EVI5: variants seen among roughly 807,000 people sequenced by gnomAD.
The protein encoded by EVI5 is ecotropic viral integration site 5.
A neutral mutation model predicts 112.0 loss-of-function variants in EVI5; 73 were observed. The observed-to-expected ratio is 0.65, with a 90% CI of 0.54 to 0.79. The LOEUF is 0.79. EVI5 is among the 30% of genes least tolerant of loss of function. The probability of loss-of-function intolerance (pLI) is 0.00; values close to 1 mark genes in which losing one functional copy is unlikely to be tolerated. For missense variants in EVI5, 900 were observed against 968.8 expected, an observed-to-expected ratio of 0.93 and a Z score of 0.94; for synonymous variants, 305 against 319.9, an observed-to-expected ratio of 0.95 and a Z score of 0.50.
chr1:92,665,881 T>A, intron 11 of EVI5, 58 bp downstream of exon 11: 1 of 1,212,994 alleles, frequency 8.2e-7, no homozygotes, highest in Non-Finnish European at 1.2e-6. Context: ...TTTTAATAAA[T>A]ATACAGAAAA....
chr1:92,694,820 A>C (rs1300595461), intron 7 of EVI5, among the ~76,000 whole-genome samples: 1 of 152,236 alleles, frequency 6.6e-6, no homozygotes, highest in Non-Finnish European at 1.5e-5. Flanking sequence ...CTAGAAAACA[A>C]AGGATTACCT....
intron 13 of EVI5, among the ~76,000 whole-genome samples, chr1:92,639,083 A>G (rs1314751144): frequency 3.9e-5 from 6 of 152,190 alleles, no homozygotes; most frequent in Admixed American, 1.3e-4. Flanking sequence ...ATTTAAAAGC[A>G]TAGAAATGAC....
chr1:92,616,081 C>T (rs903083897), intron 16 of EVI5, among the ~76,000 whole-genome samples: 2 of 152,078 alleles, frequency 1.3e-5, no homozygotes, highest in South Asian at 4.1e-4. Flanking sequence ...TAGAAGATGG[C>T]CCACTGTGAG....
intron 2 of EVI5, among the ~76,000 whole-genome samples, chr1:92,705,959 T>A (rs761592541): frequency 6.6e-6 from 1 of 152,240 alleles, no homozygotes; most frequent in African/African-American, 2.4e-5. Context: ...CAATGCAAAG[T>A]ATATTATCAA....
chr1:92,547,595 G>T (rs532432981), intron 19 of EVI5, among the ~76,000 whole-genome samples: 1 of 151,930 alleles, frequency 6.6e-6, no homozygotes. Flanking sequence ...TAGATAGACC[G>T]CTAGCAAGAC....
chr1:92,569,030 T>A (rs986232639), intron 18 of EVI5, among the ~76,000 whole-genome samples: 4 of 152,158 alleles, frequency 2.6e-5, no homozygotes, highest in Non-Finnish European at 5.9e-5. Context: ...GGAGTCAATG[T>A]AGTTTACTCA....
Position 92,736,429 on chromosome 1 carries a change from C to G in EVI5, c.118G>C (p.Glu40Gln). The change falls in exon 2 of 20, where the codon GAA (glutamate) becomes CAA (glutamine). Residue 40 changes from glutamate to glutamine, a missense_variant. By Grantham distance (29) the Glu-to-Gln change is conservative. Transcript: ENST00000684568. ...TGTTCTTCCAGTTTAGCCAGGAGTT[C>G]TAAGTCGTCTGGACTCAACTGTGAT... ...SPSQLSPDDL[E>Q]LLAKLEEQNR... The G allele has an allele frequency of 6.2e-7, 1 of 1,613,588 alleles. No homozygotes were observed. Among genetic ancestry groups the G allele is most frequent in the East Asian group, 2.2e-5 (1 of 44,864 alleles).
At chr1:92,716,845 T>C (rs1166905721) in intron 2 of EVI5, among the ~76,000 whole-genome samples, 2 of 127,754 alleles carry the variant, frequency 1.6e-5, no homozygotes, top group Non-Finnish European at 3.2e-5. Flanking sequence ...CAATAGCCAA[T>C]TCGATTCTAA....
chr1:92,719,418 T>C (rs1422564228), intron 2 of EVI5, among the ~76,000 whole-genome samples: 1 of 151,646 alleles, frequency 6.6e-6, no homozygotes, highest in Non-Finnish European at 1.5e-5. Context: ...ACGTAATCCA[T>C]CACATAAACA....
At chr1:92,591,975 G>A (rs1002834006) in intron 18 of EVI5, among the ~76,000 whole-genome samples, 9 of 152,164 alleles carry the variant, frequency 5.9e-5, no homozygotes, top group Non-Finnish European at 1.0e-4. Flanking sequence ...CGGGCGCGGT[G>A]GCTCACGCTT....
At chr1:92,693,944 T>C (rs745820157) in intron 8 of EVI5, 45 bp from the exon 9 acceptor site, 1 of 1,132,494 alleles carries the variant, frequency 8.8e-7, no homozygotes, top group Non-Finnish European at 1.3e-6. Context: ...CTTAGTGCTG[T>C]TAATAGTGAA....
chr1:92,520,005 A>T (rs1220394326), intron 19 of EVI5, among the ~76,000 whole-genome samples: 1 of 152,032 alleles, frequency 6.6e-6, no homozygotes, highest in African/African-American at 2.4e-5. Context: ...TCTTATAGAG[A>T]CAGAAAGTAG....
At position 92,513,794 on chromosome 1, in the gene EVI5, C is replaced by T. The variant is rs61735641; in HGVS notation, c.2343G>A (p.Ser781=). 9 of 1,613,354 alleles carry T rather than the reference C, an allele frequency of 5.6e-6. No individual in the cohort carries two copies. Among genetic ancestry groups the T allele is most frequent in the East Asian group, 4.5e-5 (2 of 44,854 alleles). The change falls in exon 20 of 20, where the codon TCG becomes TCA. Residue 781 remains serine, a synonymous_variant. Coordinates refer to ENST00000684568, the MANE Select transcript of EVI5 (RefSeq NM_001350197.2). ...CTGCCACTGCGGGGTCCAAAGACATCGAACCAGATTTTCCGTGCAAAGGAA... is the reference window on the plus strand; with the variant it reads ...CTGCCACTGCGGGGTCCAAAGACATTGAACCAGATTTTCCGTGCAAAGGAA... The part of the protein sequence containing the change: ...VGFPLHGKSG[S]MSLDPAVADG...
chr1:92,613,854 G>A (rs1001615187), intron 16 of EVI5, among the ~76,000 whole-genome samples: 2 of 152,184 alleles, frequency 1.3e-5, no homozygotes, highest in Non-Finnish European at 2.9e-5. Flanking sequence ...GCCTCCCAAA[G>A]TGTTGGGGAT....
At chr1:92,539,966 C>A (rs940449813) in intron 19 of EVI5, among the ~76,000 whole-genome samples, 2 of 152,102 alleles carry the variant, frequency 1.3e-5, no homozygotes, top group East Asian at 3.8e-4. Context: ...CAATATGTGG[C>A]CTTCTGTGAC....
Position 92,580,117 on chromosome 1 carries a change from C to T in EVI5, c.2071-16380G>A, listed in dbSNP as rs1671707559. Among the ~76,000 whole-genome samples the T allele has an allele frequency of 2.0e-5, 3 of 152,172 alleles. No homozygotes were observed. In the South Asian group the frequency reaches 6.2e-4, roughly 32 times the overall value. On this transcript the variant is annotated intron_variant, in intron 18 of 19. Transcript: ENST00000684568. ...TTATCTGATCAAGCTAAAGAAAACC[C>T]ATGAGGCTAATGCTTGAACAAGAAT...
At position 92,624,321 on chromosome 1, in the gene EVI5, C is replaced by G. The variant is rs201423013; in HGVS notation, c.1682G>C (p.Arg561Pro). 13 of 1,613,012 alleles carry G rather than the reference C, an allele frequency of 8.1e-6. No individual in the cohort carries two copies. Among genetic ancestry groups the G allele is most frequent in the Middle Eastern group, 1.7e-4 (1 of 6,050 alleles). Residue 561 changes from arginine to proline, a missense_variant, in exon 16 of 20, where the codon CGT (arginine) becomes CCT (proline). Arg to Pro is a moderately radical substitution (Grantham distance 103). Transcript: ENST00000684568. ...LEEHWQRHLA[R>P]TTGRWKDPPK... Reference sequence around the variant, plus strand: ...TGGGTCTTTCCATCTCCCAGTAGTACGAGCTAAGTGGCGCTAAAGCATAAA... The same window carrying G: ...TGGGTCTTTCCATCTCCCAGTAGTAGGAGCTAAGTGGCGCTAAAGCATAAA...
intron 14 of EVI5, among the ~76,000 whole-genome samples, chr1:92,631,751 C>T (rs1208356631): frequency 6.6e-6 from 1 of 152,176 alleles, no homozygotes; most frequent in Non-Finnish European, 1.5e-5. Flanking sequence ...GCATCCCTGT[C>T]TTGTGCCCGT....
chr1:92,550,760 AAAAAAAAAAAAAAAAAAAAAAATATATAT>A lies in EVI5; in HGVS notation c.2166+12853_2166+12881del, dbSNP rs1366227507. ...AGACTCCGTCTCAAAAAAAAAAAAA[AAAAAAAAAAAAAAAAAAAAAAATATATAT>A]ATATATATATATATATATATATATA... On this transcript the variant is annotated intron_variant, in intron 19 of 19. Transcript: ENST00000684568. Among the ~76,000 whole-genome samples, 6 of 46,458 alleles carry A rather than the reference AAAAAAAAAAAAAAAAAAAAAAATATATAT, an allele frequency of 1.3e-4. 1 individual carries two copies. The highest frequency in any genetic ancestry group is 2.3e-4 in the Non-Finnish European group (6 of 25,916). 30.5% of individuals were successfully genotyped at this position (46,458 alleles called of 152,430 possible).
Sources: allele counts gnomAD v4.1 joint callset (sites outside exome capture counted in the v4.1 genomes callset), GRCh38; gene constraint gnomAD v4.1.1; transcripts MANE v1.5; gene names NCBI Gene and HGNC (gene_info 2026-07-23, HGNC 2026-07-21).